Variants in SIGLEC11 observed in about 807,000 individuals in gnomAD.
SIGLEC11 encodes the protein sialic acid-binding Ig-like lectin 11.
A neutral mutation model predicts 61.2 loss-of-function variants in SIGLEC11; 47 were observed. That is an observed-to-expected ratio of 0.77 (90% CI 0.61 to 0.98). SIGLEC11 has a LOEUF of 0.98. Among genes scored for constraint, SIGLEC11 ranks in the 50% least tolerant of loss-of-function variants. SIGLEC11 has a pLI of 0.00. For synonymous variants in SIGLEC11, 278 were observed against 373.1 expected (o/e 0.75, Z 2.94); for missense variants, 610 against 870.3 (o/e 0.70, Z 3.76).
In SIGLEC11 at chr19:49,950,207, G is replaced by C. The variant is rs149680238; in HGVS notation, c.1860C>G (p.Ser620Arg). Reference sequence around the variant, plus strand: ...CACCTGGGGGCGGGTGGTCTTGGGAGCTGCCTGCCGAGCATTCATGCTGGT... The same window carrying C: ...CACCTGGGGGCGGGTGGTCTTGGGACCTGCCTGCCGAGCATTCATGCTGGT... Reference protein sequence around the residue: ...QGHQHECSAGSSQDHPPPGAA... With the variant: ...QGHQHECSAGRSQDHPPPGAA... The change falls in exon 11 of 11, where the codon AGC (serine) becomes AGG (arginine). Residue 620 changes from serine to arginine, a missense_variant. Ser to Arg is a moderately radical substitution (Grantham distance 110). Transcript: ENST00000447370. The C allele has an allele frequency of 5.0e-5, 80 of 1,597,002 alleles. 1 individual carries two copies. The African/African-American group carries it at 9.5e-4, about 19-fold the overall frequency.
In SIGLEC11 at chr19:49,960,825, A is replaced by G. The variant is rs766583051; in HGVS notation, c.187T>C (p.Trp63Arg). Residue 63 changes from tryptophan to arginine, a missense_variant, in exon 2 of 11, where the codon TGG becomes CGG. Around this residue, in one of 6 missense-constraint regions of SIGLEC11, gnomAD observed 27 missense variants for 96.0 expected, o/e 0.28. Coordinates refer to ENST00000447370, the MANE Select transcript of SIGLEC11 (RefSeq NM_052884.3). ...SCNLSYPRDG[W>R]DESTAAYGYW... The stretch of plus-strand genomic sequence containing the variant: ...CCATAAGCAGCAGTAGACTCGTCCC[A>G]GCCATCCCGGGGGTAGGAGAGGTTG... 1 of 1,613,170 alleles carries G rather than the reference A, an allele frequency of 6.2e-7. No individual in the cohort carries two copies. Among genetic ancestry groups the G allele is most frequent in the Admixed American group, 1.7e-5 (1 of 59,950 alleles).
At position 49,949,338 on chromosome 19, in the gene SIGLEC11, A is replaced by C. The variant is rs1600603253; in HGVS notation, c.*632T>G. 2 of 144,320 alleles carry C rather than the reference A, an allele frequency of 1.4e-5. No individual in the cohort carries two copies. 8.9% of individuals were successfully genotyped at this position (144,320 alleles called of 1,614,324 possible). ...GGAACCACTTGGACTTGGTCCTCTC[A>C]CTCTCCCTCTTCTGAAGGAAGAGCA... is the stretch of plus-strand genomic sequence containing the variant. On this transcript the variant is annotated 3_prime_UTR_variant, in exon 11 of 11. Coordinates refer to ENST00000447370, the MANE Select transcript of SIGLEC11 (RefSeq NM_052884.3).
In SIGLEC11 at chr19:49,960,914, C is replaced by G. The variant is rs62113159; in HGVS notation, c.98G>C (p.Ser33Thr). ...LGAGSLNKDP[S>T]YSLQVQRQVP... Reference sequence around the variant, plus strand: ...CTGCCTCTGCACTTGAAGACTGTAACTGGGATCCTTGTTCAGGGACCCTGG... The same window carrying G: ...CTGCCTCTGCACTTGAAGACTGTAAGTGGGATCCTTGTTCAGGGACCCTGG... Residue 33 changes from serine to threonine, a missense_variant, in exon 2 of 11, where the codon AGT becomes ACT. Physicochemically the swap from Ser to Thr is moderately conservative, Grantham distance 58. Transcript: ENST00000447370. 0.06 allele frequency: 90,936 copies of G among 1,509,346 alleles called. 2,620 individuals are homozygous for G. Among genetic ancestry groups the G allele is most frequent in the Admixed American group, 0.15 (8,157 of 55,302 alleles). 93.5% of individuals were successfully genotyped at this position (1,509,346 alleles called of 1,614,324 possible).
At position 49,951,975 on chromosome 19, in the gene SIGLEC11, G is replaced by C; in HGVS notation, c.1749-3C>G. 2 of 1,607,996 alleles carry C rather than the reference G, an allele frequency of 1.2e-6. No homozygotes were observed. The highest frequency in any genetic ancestry group is 1.7e-6 in the Non-Finnish European group (2 of 1,177,828). ...CTTCCTTCCTGCAGATCTTCACCCT[G>C]AGGGAGGAGGCAGTGCCCTTCAGCC... is the stretch of plus-strand genomic sequence containing the variant. On this transcript the variant is annotated splice_region_variant and splice_polypyrimidine_tract_variant and intron_variant, in intron 9 of 10. Coordinates refer to ENST00000447370, the MANE Select transcript of SIGLEC11 (RefSeq NM_052884.3). This position sits in a 1 kb window ranked among gnomAD's most constrained non-coding sequence, Gnocchi z 4.6.
At position 49,956,763 on chromosome 19, in the gene SIGLEC11, C is replaced by T. The variant is rs927123445; in HGVS notation, c.1651+1520G>A. 3.3e-5 allele frequency among the ~76,000 whole-genome samples: 5 copies of T among 152,004 alleles called. No individual in the cohort carries two copies. The East Asian group carries it at 9.6e-4, about 29-fold the overall frequency. On this transcript the variant is annotated intron_variant, in intron 8 of 10. Coordinates refer to ENST00000447370, the MANE Select transcript of SIGLEC11 (RefSeq NM_052884.3). ...CTTAACCGCATCATAAGGTTGCAGGCAGTACTTGAAATCATCACTAATAAA... is the reference window on the plus strand; with the variant it reads ...CTTAACCGCATCATAAGGTTGCAGGTAGTACTTGAAATCATCACTAATAAA...
Position 49,949,917 on chromosome 19 carries a change from C to T in SIGLEC11, c.*53G>A. The T allele has an allele frequency of 2.9e-6, 4 of 1,371,834 alleles. No individual in the cohort carries two copies. The highest frequency in any genetic ancestry group is 1.9e-5 in the South Asian group (1 of 51,392). The allele number at this position is 1,371,834 out of a possible 1,614,324, so 85.0% of individuals were successfully genotyped here. ...AATCTGAGTCCAGTTCTGGCCGTCA[C>T]ACCAGTGCGACTCCCACACACTTGC... On this transcript the variant is annotated 3_prime_UTR_variant, in exon 11 of 11. Transcript: ENST00000447370.
Position 49,953,042 on chromosome 19 carries a change from G to A in SIGLEC11, c.1652-648C>T, listed in dbSNP as rs77312057. Among the ~76,000 whole-genome samples the A allele has an allele frequency of 0.022, 3,377 of 152,172 alleles. 356 individuals are homozygous for A. In the East Asian group the frequency reaches 0.28, roughly 13 times the overall value. On this transcript the variant is annotated intron_variant, in intron 8 of 10. Coordinates refer to ENST00000447370, the MANE Select transcript of SIGLEC11 (RefSeq NM_052884.3). ...CGGTCTCACCAGTCCTCAGTTTCCC[G>A]CAGCATTTTTGGCGACCACGAAGGG...
chr19:49,960,646 C>T lies in SIGLEC11; in HGVS notation c.366G>A (p.Gln122=), dbSNP rs768609560. ...GSCSLVIRDA[Q]REDEAWYFFR... is the part of the protein sequence containing the mutation. ...AGAAGTACCATGCCTCATCCTCCCT[C>T]TGCGCGTCTCTGATCACCAAGGAGC... is the stretch of plus-strand genomic sequence containing the variant. The change falls in exon 2 of 11, where the codon CAG becomes CAA. Residue 122 remains glutamine, a synonymous_variant. Coordinates refer to ENST00000447370, the MANE Select transcript of SIGLEC11 (RefSeq NM_052884.3). 6.2e-7 allele frequency: 1 copy of T among 1,605,684 alleles called. No homozygotes were observed. Among genetic ancestry groups the T allele is most frequent in the South Asian group, 1.1e-5 (1 of 90,962 alleles).
Position 49,958,827 on chromosome 19 carries a change from G to C in SIGLEC11, c.1179C>G (p.Thr393=). The C allele has an allele frequency of 6.2e-7, 1 of 1,612,400 alleles. No individual in the cohort carries two copies. Residue 393 remains threonine (T), a synonymous_variant, in exon 7 of 11, where the codon ACC becomes ACG. Coordinates refer to ENST00000447370, the MANE Select transcript of SIGLEC11 (RefSeq NM_052884.3). ...TCAGCCTGGCTGGGGGGCTGCTGTG[G>C]GTGACACAGACCAGGCGCAGGCTTT... ...EGQSLRLVCV[T]HSSPPARLSW...
intron 8 of SIGLEC11, among the ~76,000 whole-genome samples, chr19:49,957,935 G>C (rs2076209388): frequency 6.6e-6 from 1 of 151,910 alleles, no homozygotes; most frequent in Admixed American, 6.6e-5. Context: ...AGGTTGCAGT[G>C]AGCCGAGATC....
rs137891678 is a variant in SIGLEC11, at chr19:49,960,582, G to C, written c.430C>G (p.Leu144Val). The change falls in exon 2 of 11, where the codon CTG (leucine) becomes GTG (valine). Residue 144 changes from leucine to valine, a missense_variant. By Grantham distance (32) the Leu-to-Val change is conservative. Around this residue, in one of 6 missense-constraint regions of SIGLEC11, gnomAD observed 99 missense variants for 131.6 expected, o/e 0.75. Transcript: ENST00000447370. Reference sequence around the variant, plus strand: ...ACTTTTAGAAAGAACGCATTGCTCAGGAAACTATGTCTCACACGGCTTCCT... The same window carrying C: ...ACTTTTAGAAAGAACGCATTGCTCACGAAACTATGTCTCACACGGCTTCCT... ...ERGSRVRHSF[L>V]SNAFFLKVTA... The C allele has an allele frequency of 1.1e-5, 18 of 1,597,508 alleles. No individual in the cohort carries two copies. Among genetic ancestry groups the C allele is most frequent in the Middle Eastern group, 3.3e-4 (2 of 6,046 alleles).
rs1326993831 is a variant in SIGLEC11, at chr19:49,952,384, C to G, written c.1662G>C (p.Glu554Asp). The change falls in exon 9 of 11, where the codon GAG (glutamate) becomes GAC (aspartate). Residue 554 changes from glutamate (E) to aspartate (D), a missense_variant. Glu to Asp is a conservative substitution (Grantham distance 45, BLOSUM62 2). Around this residue, in one of 6 missense-constraint regions of SIGLEC11, gnomAD observed 432 missense variants for 441.5 expected, o/e 0.98. Coordinates refer to ENST00000447370, the MANE Select transcript of SIGLEC11 (RefSeq NM_052884.3). ...CCCCCAGGCCAAGTCCTCCCCCATG[C>G]TCCAGCTTCCCTGCATGGGAGCAGG... Reference protein sequence around the residue: ...SVFQLLPGKLEHGGGLGLGAA... With the variant: ...SVFQLLPGKLDHGGGLGLGAA... The G allele has an allele frequency of 6.2e-7, 1 of 1,606,238 alleles. No individual in the cohort carries two copies. The highest frequency in any genetic ancestry group is 8.5e-7 in the Non-Finnish European group (1 of 1,179,812).
In SIGLEC11 at chr19:49,958,691, G is replaced by A. The variant is rs1164287601; in HGVS notation, c.1315C>T (p.Gln439Ter). The change falls in exon 7 of 11, where the codon CAG becomes TAG. Residue 439 changes from glutamine to a stop codon, truncating the protein, a stop_gained. Transcript: ENST00000447370. LOFTEE classifies it high-confidence loss of function. ...ACGTGCTGGGAGCCCAGAGGGTGCT[G>A]AGCGTGGCAGGTGAACTCTCCTTCG... is the stretch of plus-strand genomic sequence containing the variant. ...EHEGEFTCHA[Q>*]HPLGSQHVSL... is the part of the protein sequence containing the mutation. The A allele has an allele frequency of 6.2e-7, 1 of 1,611,152 alleles. No homozygotes were observed. The highest frequency in any genetic ancestry group is 1.1e-5 in the South Asian group (1 of 90,652).
Position 49,951,241 on chromosome 19 carries a change from G to A in SIGLEC11, c.1830+650C>T, listed in dbSNP as rs533252498. Among the ~76,000 whole-genome samples the A allele has an allele frequency of 2.6e-5, 4 of 152,308 alleles. No individual in the cohort carries two copies. Among genetic ancestry groups the A allele is most frequent in the East Asian group, 3.9e-4 (2 of 5,192 alleles). On this transcript the variant is annotated intron_variant, in intron 10 of 10. Transcript: ENST00000447370. This position sits in a 1 kb window ranked among gnomAD's most constrained non-coding sequence, Gnocchi z 4.6. Reference sequence around the variant, plus strand: ...CAGGTGAGCGGTGCCCTGATGCTCCGTGCATCTGTCACACTTCCTTGCTGG... The same window carrying A: ...CAGGTGAGCGGTGCCCTGATGCTCCATGCATCTGTCACACTTCCTTGCTGG...
chr19:49,954,943 A>C (rs1193043909), intron 8 of SIGLEC11, among the ~76,000 whole-genome samples: 1 of 152,204 alleles, frequency 6.6e-6, no homozygotes, highest in Non-Finnish European at 1.5e-5. Context: ...CAATTAATAT[A>C]CGAAAAATTT....
At chr19:49,953,526 G>T (rs903647994) in intron 8 of SIGLEC11, among the ~76,000 whole-genome samples, 1 of 152,200 alleles carries the variant, frequency 6.6e-6, no homozygotes, top group African/African-American at 2.4e-5. Context: ...GGAACTGGGA[G>T]TGGGGAAGTG....
chr19:49,958,355 C>A lies in SIGLEC11; in HGVS notation c.1579G>T (p.Gly527Cys). ...SLSLHGGLSS[G>C]LRLRCKAWNV... ...CAGGCCTTACAGCGGAGCCTGAGGC[C>A]GGAGCTGAGCCCTCCATGGAGGCTC... The change falls in exon 8 of 11, where the codon GGC becomes TGC. Residue 527 changes from glycine to cysteine, a missense_variant. Gly to Cys is a radical substitution (Grantham distance 159). Coordinates refer to ENST00000447370, the MANE Select transcript of SIGLEC11 (RefSeq NM_052884.3). 6.2e-7 allele frequency: 1 copy of A among 1,614,184 alleles called. No individual in the cohort carries two copies. The highest frequency in any genetic ancestry group is 8.5e-7 in the Non-Finnish European group (1 of 1,180,028).
Position 49,958,853 on chromosome 19 carries a change from G to A in SIGLEC11, c.1153C>T (p.Gln385Ter). The change falls in exon 7 of 11, where the codon CAA becomes TAA. Residue 385 changes from glutamine (Q) to a stop codon, truncating the protein, a stop_gained. Coordinates refer to ENST00000447370, the MANE Select transcript of SIGLEC11 (RefSeq NM_052884.3). LOFTEE classifies it high-confidence loss of function. ...NGTSLPVLEG[Q>*]SLRLVCVTHS... is the part of the protein sequence containing the mutation. ...GTGACACAGACCAGGCGCAGGCTTTGGCCCTCCAGGACCGGGAGGGATGTG... is the reference window on the plus strand; with the variant it reads ...GTGACACAGACCAGGCGCAGGCTTTAGCCCTCCAGGACCGGGAGGGATGTG... 2 of 1,608,124 alleles carry A rather than the reference G, an allele frequency of 1.2e-6. No homozygotes were observed. Among genetic ancestry groups the A allele is most frequent in the Non-Finnish European group, 1.7e-6 (2 of 1,176,826 alleles).
rs752276631 is a variant in SIGLEC11 at position 49,950,192 on chromosome 19, C to T, written c.1875G>A (p.Pro625=). 6.9e-6 allele frequency: 11 copies of T among 1,602,748 alleles called. No individual in the cohort carries two copies. The highest frequency in any genetic ancestry group is 3.4e-4 in the Middle Eastern group (2 of 5,934). The change falls in exon 11 of 11, where the codon CCG becomes CCA. Residue 625 remains proline (P), a synonymous_variant. Transcript: ENST00000447370. ...ECSAGSSQDH[P]PPGAATYTPG... is the part of the protein sequence containing the mutation. ...GGGTGTAGGTGGCTGCACCTGGGGG[C>T]GGGTGGTCTTGGGAGCTGCCTGCCG...
Sources: gnomAD v4.1 joint callset for allele counts (sites outside exome capture counted in the v4.1 genomes callset) on GRCh38, gnomAD v4.1.1 for gene constraint, gnomAD v4.1.1 regional missense constraint, Gnocchi (gnomAD v3.1) non-coding constraint, MANE v1.5 for transcripts, NCBI Gene and HGNC (gene_info 2026-07-23, HGNC 2026-07-21) for gene names.